The following PPP4R3A variants were observed in gnomAD, a reference collection of about 807,000 sequenced individuals.
PPP4R3A encodes serine/threonine-protein phosphatase 4 regulatory subunit 3A.
PPP4R3A carries 15 observed loss-of-function variants against 91.7 expected under a neutral mutation model. The observed-to-expected ratio is 0.16, with a 90% CI of 0.11 to 0.25. PPP4R3A has a LOEUF of 0.25. Among genes scored for constraint, PPP4R3A ranks in the 10% least tolerant of loss-of-function variants. The pLI, the probability that PPP4R3A is intolerant of heterozygous loss-of-function variation, is 1.00. For synonymous variants in PPP4R3A, 377 were observed against 348.7 expected (o/e 1.08, Z -0.91); for missense variants, 623 against 998.4 (o/e 0.62, Z 5.07).
chr14:91,460,293 G>A (rs544201982), intron 14 of PPP4R3A, among the ~76,000 whole-genome samples: 2 of 152,094 alleles, frequency 1.3e-5, no homozygotes, highest in African/African-American at 2.4e-5. Flanking sequence ...GATTACGGGC[G>A]TAAGCCACCG....
chr14:91,509,441 G>C (rs1566662491), intron 1 of PPP4R3A, 65 bp downstream of exon 1: 1 of 1,533,184 alleles, frequency 6.5e-7, no homozygotes, highest in African/African-American at 1.4e-5. Context: ...TGCCCCGCAA[G>C]AACCAGGGAG....
At chr14:91,460,293 G>GT (rs1415494836) in intron 14 of PPP4R3A, among the ~76,000 whole-genome samples, 1 of 152,094 alleles carries the variant, frequency 6.6e-6, no homozygotes. Context: ...GATTACGGGC[G>GT]TAAGCCACCG....
rs201907043 is a variant in PPP4R3A at position 91,493,284 on chromosome 14, T to C, written c.143-2482A>G. Among the ~76,000 whole-genome samples, 73 of 146,452 alleles carry C rather than the reference T, an allele frequency of 5.0e-4. No homozygotes were observed. The East Asian group carries it at 0.011, about 23-fold the overall frequency. ...GTGAGCTGAGATTGCATCACTGCAA[T>C]CCAGCCTGGTCAACAGAGACTCTGC... On this transcript the variant is annotated intron_variant, in intron 1 of 14. Transcript: ENST00000554943.
intron 7 of PPP4R3A, among the ~76,000 whole-genome samples, chr14:91,474,026 C>T (rs1455830327): frequency 6.6e-6 from 1 of 152,228 alleles, no homozygotes; most frequent in Non-Finnish European, 1.5e-5. Context: ...GCCTCAGCCT[C>T]CCAAAGTGCT....
intron 5 of PPP4R3A, among the ~76,000 whole-genome samples, 161 bp downstream of exon 5, chr14:91,476,743 TTTTAG>T (rs1453624500): frequency 2.0e-5 from 3 of 152,118 alleles, no homozygotes; most frequent in Non-Finnish European, 4.4e-5. Flanking sequence ...TTTTTGTACT[TTTTAG>T]TAGAGATGGG....
chr14:91,497,378 A>ATG (rs1566652302), intron 1 of PPP4R3A, among the ~76,000 whole-genome samples: 14 of 149,042 alleles, frequency 9.4e-5, no homozygotes, highest in Admixed American at 9.4e-4. Context: ...ACACACACAC[A>ATG]CGATACCTTT....
chr14:91,502,176 T>C (rs148954085), intron 1 of PPP4R3A, among the ~76,000 whole-genome samples: 1 of 152,086 alleles, frequency 6.6e-6, no homozygotes, highest in South Asian at 2.1e-4. Flanking sequence ...TCCTGGCTAC[T>C]CAGGAGGGTG....
intron 1 of PPP4R3A, among the ~76,000 whole-genome samples, chr14:91,499,729 G>A (rs748747955): frequency 2.0e-5 from 3 of 151,142 alleles, no homozygotes; most frequent in South Asian, 2.1e-4. Context: ...GCTGAGGCAG[G>A]AGAATCGCTT....
In PPP4R3A at chr14:91,461,433, G is replaced by A. The variant is rs776197370; in HGVS notation, c.2339C>T (p.Ser780Phe). Residue 780 changes from serine (S) to phenylalanine (F), a missense_variant, in exon 14 of 15, where the codon TCT (serine) becomes TTT (phenylalanine). This residue lies in a region of PPP4R3A where 201 missense variants were observed against 229.9 expected (regional missense o/e 0.87). Transcript: ENST00000554943. ...TGTATTTTTAGGTACGGATCCAGGA[G>A]AGCCTGGAGATCCTGGGGATCCAGG... is the stretch of plus-strand genomic sequence containing the variant. The part of the protein sequence containing the change: ...GSPGSPGSPG[S>F]PGSVPKNTSQ... The A allele has an allele frequency of 1.2e-6, 2 of 1,613,956 alleles. No individual in the cohort carries two copies. The highest frequency in any genetic ancestry group is 1.7e-6 in the Non-Finnish European group (2 of 1,179,956).
chr14:91,503,606 G>A (rs937700733), intron 1 of PPP4R3A, among the ~76,000 whole-genome samples: 2 of 152,146 alleles, frequency 1.3e-5, no homozygotes, highest in South Asian at 4.1e-4. Context: ...AGGAAGAATA[G>A]CTAATGGATG....
chr14:91,460,461 A>G (rs1888060758), intron 14 of PPP4R3A, among the ~76,000 whole-genome samples: 1 of 152,020 alleles, frequency 6.6e-6, no homozygotes, highest in African/African-American at 2.4e-5. Flanking sequence ...AATGGGCATT[A>G]CGTGTCTGAT....
At chr14:91,481,448 T>A (rs1219352093) in intron 4 of PPP4R3A, 128 bp downstream of exon 4, 1 of 985,246 alleles carries the variant, frequency 1.0e-6, no homozygotes, top group African/African-American at 1.7e-5. Flanking sequence ...TATTATAATC[T>A]CTTAAAATAA....
intron 13 of PPP4R3A, chr14:91,461,827 C>G: frequency 1.1e-6 from 1 of 890,112 alleles, no homozygotes; most frequent in Non-Finnish European, 1.6e-6. Context: ...TTTAGTATCC[C>G]TACCCTTCCT....
At chr14:91,476,265 G>T in intron 6 of PPP4R3A, 143 bp downstream of exon 6, 1 of 740,130 alleles carries the variant, frequency 1.4e-6, no homozygotes, top group Non-Finnish European at 2.2e-6. Context: ...GTCTAATATT[G>T]GAATTTTACA....
chr14:91,510,490 G>C (rs1290348392), upstream of PPP4R3A: 2 of 152,274 alleles, frequency 1.3e-5, no homozygotes, highest in Non-Finnish European at 2.9e-5. Context: ...GATTGCGCCG[G>C]TGACAGCCCG....
chr14:91,472,485 A>C (rs1048969891), intron 9 of PPP4R3A, among the ~76,000 whole-genome samples: 4 of 144,110 alleles, frequency 2.8e-5, no homozygotes, highest in African/African-American at 1.0e-4. Flanking sequence ...TTTGAGTTGA[A>C]GTCTCACTCT....
chr14:91,508,921 G>A (rs771369852), intron 1 of PPP4R3A, among the ~76,000 whole-genome samples: 2 of 152,112 alleles, frequency 1.3e-5, no homozygotes, highest in Non-Finnish European at 2.9e-5. Context: ...AACCAACACT[G>A]GTGAACGAAA....
At chr14:91,489,308 GATAA>G (rs1890093299) in intron 2 of PPP4R3A, among the ~76,000 whole-genome samples, 3 of 152,100 alleles carry the variant, frequency 2.0e-5, no homozygotes, top group South Asian at 4.1e-4. Flanking sequence ...CTAAAATTCT[GATAA>G]ATACTTACAA....
At chr14:91,483,939 C>T (rs1889720930) in intron 3 of PPP4R3A, among the ~76,000 whole-genome samples, 1 of 152,210 alleles carries the variant, frequency 6.6e-6, no homozygotes, top group Non-Finnish European at 1.5e-5. Context: ...TTGAGTTACA[C>T]ATTGGCATAA....
Sources: allele counts gnomAD v4.1 joint callset (sites outside exome capture counted in the v4.1 genomes callset), GRCh38; gene constraint gnomAD v4.1.1; regional missense constraint gnomAD v4.1.1; transcripts MANE v1.5; gene names NCBI Gene and HGNC (gene_info 2026-07-23, HGNC 2026-07-21).